HMCN1: variants seen among roughly 807,000 people sequenced by gnomAD.
The protein encoded by HMCN1 is hemicentin-1.
Under a neutral mutation model 625.9 loss-of-function variants are expected in HMCN1, and 321 were observed. That is an observed-to-expected ratio of 0.51 (90% CI 0.47 to 0.56). The LOEUF (loss-of-function observed/expected upper bound fraction) is 0.56. HMCN1 is among the 20% of genes least tolerant of loss of function. The pLI is 0.00. For missense variants in HMCN1, 6,588 were observed against 6,887.3 expected (o/e 0.96, Z 1.54); for synonymous variants, 2,425 against 2,417.6 (o/e 1.00, Z -0.09).
Position 186,023,120 on chromosome 1 carries a change from G to A in HMCN1, c.5716G>A (p.Glu1906Lys). Residue 1906 changes from glutamate (E) to lysine (K), a missense_variant, in exon 36 of 107, where the codon GAA (glutamate) becomes AAA (lysine). By Grantham distance (56) the Glu-to-Lys change is moderately conservative. Transcript: ENST00000271588. ...ATGTGTGGCTACCAACGCAGCTGGA[G>A]AAACACAACAGCACATTCAACTGCA... is the stretch of plus-strand genomic sequence containing the variant. ...YTCVATNAAG[E>K]TQQHIQLHVH... The A allele has an allele frequency of 1.2e-6, 2 of 1,613,326 alleles. No individual in the cohort carries two copies. Among genetic ancestry groups the A allele is most frequent in the Non-Finnish European group, 8.5e-7 (1 of 1,179,484 alleles).
At chr1:186,118,543 C>G (rs1427610957) in intron 77 of HMCN1, among the ~76,000 whole-genome samples, 1 of 152,116 alleles carries the variant, frequency 6.6e-6, no homozygotes, top group East Asian at 1.9e-4. Context: ...TACACAAAGG[C>G]TTATATGCAA....
At chr1:185,747,039 G>A (rs991520290) in intron 1 of HMCN1, among the ~76,000 whole-genome samples, 11 of 151,710 alleles carry the variant, frequency 7.3e-5, no homozygotes, top group African/African-American at 2.2e-4. Flanking sequence ...CTGGAGGATA[G>A]GACTTTAACA....
intron 10 of HMCN1, among the ~76,000 whole-genome samples, chr1:185,932,230 CT>C (rs1389737920): frequency 6.6e-6 from 1 of 152,144 alleles, no homozygotes; most frequent in African/African-American, 2.4e-5. Context: ...ATTTTTATAA[CT>C]TAAAATAGCA....
At chr1:185,794,343 TTATA>T (rs61058896) in intron 1 of HMCN1, among the ~76,000 whole-genome samples, 1 of 147,638 alleles carries the variant, frequency 6.8e-6, no homozygotes, top group Admixed American at 6.8e-5. Flanking sequence ...AGAGGATAGA[TTATA>T]TATATATATA....
At chr1:185,917,269 G>T (rs1273164597) in intron 6 of HMCN1, among the ~76,000 whole-genome samples, 1 of 152,152 alleles carries the variant, frequency 6.6e-6, no homozygotes, top group Non-Finnish European at 1.5e-5. Flanking sequence ...GAATGGCAAA[G>T]AAATAGTTGG....
At chr1:185,775,499 T>C (rs539693666) in intron 1 of HMCN1, among the ~76,000 whole-genome samples, 1 of 152,282 alleles carries the variant, frequency 6.6e-6, no homozygotes, top group East Asian at 1.9e-4. Flanking sequence ...TTTGAAAACA[T>C]TTTTCTATCT....
At chr1:186,060,411 G>A (rs1657609376) in intron 46 of HMCN1, among the ~76,000 whole-genome samples, 1 of 151,896 alleles carries the variant, frequency 6.6e-6, no homozygotes, top group African/African-American at 2.4e-5. Flanking sequence ...TCCTCAAATG[G>A]TGCCCAGGAC....
chr1:185,982,080 C>T (rs1017363839), intron 17 of HMCN1, among the ~76,000 whole-genome samples, 182 bp from the exon 18 acceptor site: 2 of 152,122 alleles, frequency 1.3e-5, no homozygotes, highest in Non-Finnish European at 2.9e-5. Flanking sequence ...TTTGCATTCC[C>T]CCTACTTAGA....
intron 71 of HMCN1, among the ~76,000 whole-genome samples, chr1:186,111,141 C>T (rs898630281): frequency 3.3e-5 from 5 of 151,048 alleles, no homozygotes; most frequent in African/African-American, 4.9e-5. Context: ...CCACCAGGCC[C>T]GGCTACTTTT....
At chr1:185,983,379 T>A (rs957177685) in intron 18 of HMCN1, among the ~76,000 whole-genome samples, 2 of 152,028 alleles carry the variant, frequency 1.3e-5, no homozygotes, top group African/African-American at 4.8e-5. Flanking sequence ...TGAGCCGAGA[T>A]CGTGCCACTG....
At chr1:186,105,951 C>T (rs953255485) in intron 69 of HMCN1, among the ~76,000 whole-genome samples, 16 of 152,058 alleles carry the variant, frequency 1.1e-4, no homozygotes, top group Non-Finnish European at 2.1e-4. Context: ...TTTTAAAATT[C>T]TTAATTGAAT....
intron 1 of HMCN1, among the ~76,000 whole-genome samples, chr1:185,840,871 A>C (rs891589168): frequency 6.6e-6 from 1 of 152,192 alleles, no homozygotes; most frequent in African/African-American, 2.4e-5. Flanking sequence ...AAAAAGAACA[A>C]AGAAATTGGG....
intron 1 of HMCN1, among the ~76,000 whole-genome samples, chr1:185,800,702 AATTAACC>A (rs1265680787): frequency 1.3e-4 from 20 of 152,156 alleles, no homozygotes; most frequent in African/African-American, 4.6e-4. Flanking sequence ...AAAGTATTTG[AATTAACC>A]ATACCCAATT....
intron 43 of HMCN1, among the ~76,000 whole-genome samples, 182 bp downstream of exon 43, chr1:186,053,256 A>T (rs948461904): frequency 9.9e-5 from 15 of 151,982 alleles, no homozygotes; most frequent in African/African-American, 3.1e-4. Flanking sequence ...CCCAGCTGAA[A>T]TTTTTTATTT....
intron 40 of HMCN1, among the ~76,000 whole-genome samples, chr1:186,044,135 A>G (rs1175183097): frequency 6.6e-6 from 1 of 152,188 alleles, no homozygotes; most frequent in Non-Finnish European, 1.5e-5. Context: ...TGCTATTTTT[A>G]TAGTAGTTTT....
At chr1:186,114,288 G>T (rs2102472358) in intron 73 of HMCN1, among the ~76,000 whole-genome samples, 165 bp downstream of exon 73, 1 of 151,928 alleles carries the variant, frequency 6.6e-6, no homozygotes, top group Middle Eastern at 3.4e-3. Context: ...ACAGAGTCTT[G>T]CTCTGTTGCC....
intron 89 of HMCN1, among the ~76,000 whole-genome samples, chr1:186,142,005 A>T (rs1187693200): frequency 6.6e-6 from 1 of 152,158 alleles, no homozygotes; most frequent in African/African-American, 2.4e-5. Flanking sequence ...TTAATATTTT[A>T]ACTTTCATTT....
chr1:186,095,627 TA>T (rs2102423730), intron 68 of HMCN1, 106 bp downstream of exon 68: 2 of 1,277,006 alleles, frequency 1.6e-6, no homozygotes, highest in East Asian at 5.0e-5. Context: ...GAGAATTTTT[TA>T]AAAAATTTTT....
intron 1 of HMCN1, among the ~76,000 whole-genome samples, chr1:185,844,481 T>A (rs1050307048): frequency 6.6e-6 from 1 of 152,252 alleles, no homozygotes; most frequent in Admixed American, 6.5e-5. Context: ...TTTTGTACCA[T>A]ATGTAGCTTG....
Sources: gnomAD v4.1 joint callset for allele counts (sites outside exome capture counted in the v4.1 genomes callset) on GRCh38, gnomAD v4.1.1 for gene constraint, MANE v1.5 for transcripts, NCBI Gene and HGNC (gene_info 2026-07-23, HGNC 2026-07-21) for gene names.